SPATA13: variants seen among roughly 807,000 people sequenced by gnomAD.
SPATA13 encodes the protein spermatogenesis associated 13.
In SPATA13, 50 loss-of-function variants were observed where a neutral mutation model predicts 104.0. The ratio of observed to expected loss-of-function variants is 0.48; its 90% CI spans 0.38 to 0.61. SPATA13 has a LOEUF of 0.61. Among genes scored for constraint, SPATA13 ranks in the 20% least tolerant of loss-of-function variants. SPATA13 has a pLI of 0.00. For missense variants in SPATA13, 1,524 were observed against 1,690.6 expected, an observed-to-expected ratio of 0.90 and a Z score of 1.73; for synonymous variants, 606 against 667.5, an observed-to-expected ratio of 0.91 and a Z score of 1.42.
At chr13:24,123,054 T>C in intron 3 of SPATA13, 1 of 957,672 alleles carries the variant, frequency 1.0e-6, no homozygotes, top group Non-Finnish European at 1.7e-6. Context: ...TGCCAAATGT[T>C]GTGTCATTTC....
intron 1 of SPATA13, among the ~76,000 whole-genome samples, chr13:23,981,540 C>G (rs1208087273): frequency 2.0e-5 from 3 of 152,228 alleles, no homozygotes; most frequent in African/African-American, 7.2e-5. Flanking sequence ...CACTGTGGTA[C>G]ATTCTCATTG....
intron 1 of SPATA13, among the ~76,000 whole-genome samples, chr13:24,192,581 G>A (rs1869823870): frequency 6.6e-6 from 1 of 152,132 alleles, no homozygotes; most frequent in African/African-American, 2.4e-5. Context: ...AGTCCTGTCT[G>A]TTAGTACATA....
chr13:24,222,229 G>A (rs1871625763), intron 1 of SPATA13, among the ~76,000 whole-genome samples: 1 of 152,154 alleles, frequency 6.6e-6, no homozygotes, highest in Admixed American at 6.5e-5. Context: ...TGTCCTTGCT[G>A]AGTCCTTCCC....
At chr13:24,271,692 A>G (rs1165146512) in intron 4 of SPATA13, among the ~76,000 whole-genome samples, 1 of 152,218 alleles carries the variant, frequency 6.6e-6, no homozygotes, top group Non-Finnish European at 1.5e-5. Flanking sequence ...ACATGGATAC[A>G]ATAGGATGCT....
chr13:24,153,940 A>C (rs1454444138), intron 3 of SPATA13, among the ~76,000 whole-genome samples: 1 of 152,222 alleles, frequency 6.6e-6, no homozygotes, highest in Non-Finnish European at 1.5e-5. Context: ...GTGTTATCTT[A>C]TGAGGACATT....
In SPATA13 at chr13:24,286,416, T is replaced by G. The variant is rs905434070; in HGVS notation, c.2481+23T>G. 5.6e-6 allele frequency: 9 copies of G among 1,603,724 alleles called. No homozygotes were observed. Among genetic ancestry groups the G allele is most frequent in the Non-Finnish European group, 7.7e-6 (9 of 1,175,144 alleles). On this transcript the variant is annotated intron_variant, in intron 6 of 12. Coordinates refer to ENST00000382108, the MANE Select transcript of SPATA13 (RefSeq NM_001166271.3). The surrounding 1 kb of genome is among the most constrained non-coding windows in gnomAD (Gnocchi z 4.9). The stretch of plus-strand genomic sequence containing the variant: ...AGAGTAAGTGTGGGGTGCTTGCAGC[T>G]TTTCCAAAGTACCTGGGGGAGCTGC...
At chr13:24,276,262 G>GT in intron 4 of SPATA13, among the ~76,000 whole-genome samples, 1 of 152,274 alleles carries the variant, frequency 6.6e-6, no homozygotes, top group Middle Eastern at 3.4e-3. Context: ...AATATTTTTG[G>GT]TTTTTTCCTT....
Position 24,085,253 on chromosome 13 carries a change from G to T in SPATA13, c.-112+67552G>T, listed in dbSNP as rs573493194. 4.6e-5 allele frequency among the ~76,000 whole-genome samples: 7 copies of T among 152,264 alleles called. No homozygotes were observed. In the East Asian group the frequency reaches 1.4e-3, roughly 29 times the overall value. ...TTCTCCTGCCTCAGCCTCCCAAGTA[G>T]CTGGGACTACAGGCAGGTGCCTGCC... is the stretch of plus-strand genomic sequence containing the variant. On this transcript the variant is annotated intron_variant, in intron 3 of 14. Coordinates refer to the SPATA13 transcript ENST00000424834.
intron 2 of SPATA13, among the ~76,000 whole-genome samples, chr13:24,228,108 C>CTTTTTTT (rs71186818): frequency 1.6e-4 from 16 of 102,260 alleles, no homozygotes; most frequent in African/African-American, 6.1e-4. Flanking sequence ...CTCTTGTACT[C>CTTTTTTT]TTTTTTTTTT....
chr13:24,189,628 A>AATAT (rs1357533041), intron 1 of SPATA13, among the ~76,000 whole-genome samples: 1 of 31,446 alleles, frequency 3.2e-5, no homozygotes, highest in Non-Finnish European at 9.2e-5. Flanking sequence ...TTATTATATA[A>AATAT]ATATATATAT....
chr13:24,226,590 T>G (rs1350398722), intron 2 of SPATA13, among the ~76,000 whole-genome samples: 1 of 152,254 alleles, frequency 6.6e-6, no homozygotes, highest in African/African-American at 2.4e-5. Context: ...GTGTATATAT[T>G]GCAGATTATT....
In SPATA13 at chr13:24,306,075, A is replaced by G. The variant is rs1241906369; in HGVS notation, c.*3302A>G. 1 of 152,188 alleles carries G rather than the reference A, an allele frequency of 6.6e-6. No homozygotes were observed. The highest frequency in any genetic ancestry group is 1.5e-5 in the Non-Finnish European group (1 of 68,040). 9.4% of individuals were successfully genotyped at this position (152,188 alleles called of 1,614,324 possible). A position where few individuals can be genotyped will look rare whatever the true frequency, so the allele number is the denominator to read the frequency against. ...TTGTAGTTGAAAACATTTCACCACCATCAAACACTATTTCTGAATATTGTG... is the reference window on the plus strand; with the variant it reads ...TTGTAGTTGAAAACATTTCACCACCGTCAAACACTATTTCTGAATATTGTG... On this transcript the variant is annotated 3_prime_UTR_variant, in exon 13 of 13. Coordinates refer to ENST00000382108, the MANE Select transcript of SPATA13 (RefSeq NM_001166271.3).
At chr13:24,004,504 C>A (rs1335339367) in intron 2 of SPATA13, among the ~76,000 whole-genome samples, 1 of 152,110 alleles carries the variant, frequency 6.6e-6, no homozygotes, top group Non-Finnish European at 1.5e-5. Flanking sequence ...GGGTGAGGGG[C>A]TCCTCACAGG....
intron 2 of SPATA13, chr13:23,983,942 AGCAACTTTCTGCCTGCATG>A (rs1875030434): frequency 3.0e-6 from 3 of 985,452 alleles, no homozygotes; most frequent in Non-Finnish European, 2.4e-6. Context: ...AGGTAAGTTG[AGCAACTTTCTGCCTGCATG>A]GCATTATCCA....
At chr13:24,206,620 G>A (rs1593417670) in intron 1 of SPATA13, among the ~76,000 whole-genome samples, 1 of 152,092 alleles carries the variant, frequency 6.6e-6, no homozygotes, top group South Asian at 2.1e-4. Context: ...GGCCAGGCAC[G>A]GTGGCTCATG....
At chr13:24,060,567 G>T (rs1416584748) in intron 3 of SPATA13, among the ~76,000 whole-genome samples, 1 of 152,114 alleles carries the variant, frequency 6.6e-6, no homozygotes, top group African/African-American at 2.4e-5. Context: ...TGCAACAAAA[G>T]CAAAAATTGA....
At chr13:24,096,175 A>T (rs181400548) in intron 3 of SPATA13, among the ~76,000 whole-genome samples, 290 of 152,320 alleles carry the variant, frequency 1.9e-3, no homozygotes, top group African/African-American at 6.8e-3. Flanking sequence ...TCTGGAGCTA[A>T]ACCAAAGAAC....
chr13:24,031,168 G>A (rs1301658341), intron 3 of SPATA13, among the ~76,000 whole-genome samples: 1 of 152,206 alleles, frequency 6.6e-6, no homozygotes, highest in African/African-American at 2.4e-5. Context: ...GAACTGCTGC[G>A]GAGGGGAGGC....
At chr13:24,065,258 G>A (rs1031862777) in intron 3 of SPATA13, among the ~76,000 whole-genome samples, 9 of 152,132 alleles carry the variant, frequency 5.9e-5, no homozygotes, top group African/African-American at 2.2e-4. Context: ...TTAGTTTAAG[G>A]TGATTCTTAA....
Sources: allele counts gnomAD v4.1 joint callset (sites outside exome capture counted in the v4.1 genomes callset), GRCh38; gene constraint gnomAD v4.1.1; non-coding constraint Gnocchi (gnomAD v3.1); transcripts MANE v1.5; gene names NCBI Gene and HGNC (gene_info 2026-07-23, HGNC 2026-07-21).